GAS7: variants seen among roughly 807,000 people sequenced by gnomAD.
GAS7 encodes growth arrest specific 7.
A neutral mutation model predicts 71.1 loss-of-function variants in GAS7; 28 were observed. The ratio of observed to expected loss-of-function variants is 0.39; its 90% confidence interval spans 0.29 to 0.54. The LOEUF is 0.54. Ranked by LOEUF, GAS7 falls within the 20% of genes least tolerant of loss-of-function variation. The pLI is 0.62. For synonymous variants in GAS7, 258 were observed against 245.8 expected, an observed-to-expected ratio of 1.05 and a Z score of -0.46; for missense variants, 436 against 627.8, an observed-to-expected ratio of 0.69 and a Z score of 3.27.
chr17:10,148,909 CAAAAA>C (rs752140645), intron 1 of GAS7, among the ~76,000 whole-genome samples: 1 of 117,306 alleles, frequency 8.5e-6, no homozygotes, highest in Non-Finnish European at 1.8e-5. Context: ...GACTCCGCCT[CAAAAA>C]AAAAAAAAAA....
chr17:10,024,539 C>T (rs753479300), intron 1 of GAS7, among the ~76,000 whole-genome samples: 2 of 152,078 alleles, frequency 1.3e-5, no homozygotes, highest in South Asian at 2.1e-4. Flanking sequence ...TGGGGGAAAA[C>T]GAAGGAAGTT....
chr17:9,912,531 C>A lies in GAS7; in HGVS notation c.*4697G>T. 4.3e-6 allele frequency: 1 copy of A among 233,090 alleles called. No individual in the cohort carries two copies. The highest frequency in any genetic ancestry group is 8.5e-6 in the Non-Finnish European group (1 of 117,926). The allele number at this position is 233,090 out of a possible 1,614,324, so 14.4% of individuals were successfully genotyped here. A position where few individuals can be genotyped will look rare whatever the true frequency, so the allele number is the denominator to read the frequency against. ...GCCAAGGACCGTGTGACACTGAAGC[C>A]TGGGTCCCAGAAGGGAGCAGATCTG... On this transcript the variant is annotated 3_prime_UTR_variant, in exon 14 of 14. Transcript: ENST00000432992.
chr17:9,942,211 G>A (rs770723699), intron 7 of GAS7, among the ~76,000 whole-genome samples: 23 of 151,546 alleles, frequency 1.5e-4, no homozygotes, highest in Non-Finnish European at 2.5e-4. Flanking sequence ...CCAAGACTGC[G>A]CAACTACACT....
chr17:10,005,014 TCTCG>T (rs1204640500), intron 2 of GAS7, among the ~76,000 whole-genome samples: 4 of 139,568 alleles, frequency 2.9e-5, no homozygotes, highest in African/African-American at 1.3e-4. Flanking sequence ...CATCTCTCTC[TCTCG>T]CTCTCTCTCT....
chr17:10,005,027 C>A lies in GAS7; in HGVS notation c.304+14750G>T, dbSNP rs868818709. 8.8e-3 allele frequency among the ~76,000 whole-genome samples: 1,084 copies of A among 123,048 alleles called. 15 individuals are homozygous for A. The highest frequency in any genetic ancestry group is 0.051 in the South Asian group (203 of 3,942). 80.7% of individuals were successfully genotyped at this position (123,048 alleles called of 152,430 possible). ...TTCATCTCTCTCTCTCGCTCTCTCT[C>A]TCTATATATACATACATATATATAC... On this transcript the variant is annotated intron_variant, in intron 2 of 13. Coordinates refer to ENST00000432992, the MANE Select transcript of GAS7 (RefSeq NM_201433.2).
intron 1 of GAS7, among the ~76,000 whole-genome samples, chr17:10,031,596 C>T (rs778722007): frequency 2.0e-4 from 31 of 152,166 alleles, no homozygotes; most frequent in Non-Finnish European, 4.1e-4. Context: ...TTGCAGAACC[C>T]CTATTCCTGC....
chr17:10,019,522 C>T (rs577120931), intron 2 of GAS7, among the ~76,000 whole-genome samples: 2 of 152,216 alleles, frequency 1.3e-5, no homozygotes, highest in African/African-American at 2.4e-5. Flanking sequence ...CCAGGGTGGA[C>T]GTCAGGGTCC....
chr17:10,058,009 C>A (rs909093580), intron 1 of GAS7, among the ~76,000 whole-genome samples: 3 of 152,170 alleles, frequency 2.0e-5, no homozygotes, highest in Admixed American at 6.5e-5. Context: ...GGATTAAGGG[C>A]AGTGCAAGAT....
intron 9 of GAS7, among the ~76,000 whole-genome samples, chr17:9,931,083 T>C (rs1246260598): frequency 6.6e-6 from 1 of 152,216 alleles, no homozygotes; most frequent in Admixed American, 6.5e-5. Context: ...GTGTTTTCAA[T>C]GCCATTGGTC....
intron 1 of GAS7, among the ~76,000 whole-genome samples, chr17:10,021,875 A>AG (rs2072283658): frequency 6.6e-6 from 1 of 152,202 alleles, no homozygotes. Context: ...TGTTGAGAGA[A>AG]AGAGAAGTAT....
At chr17:10,070,341 C>CTTTTTTTTTTTTTTT (rs71365713) in intron 1 of GAS7, among the ~76,000 whole-genome samples, 3 of 106,132 alleles carry the variant, frequency 2.8e-5, no homozygotes, top group Admixed American at 1.2e-4. Context: ...TCTCTCTCTT[C>CTTTTTTTTTTTTTTT]TTTTTTTTTT....
rs1167661234 is a variant in GAS7, at chr17:9,911,856, G to A, written c.*5372C>T. The A allele has an allele frequency of 1.3e-5, 3 of 231,648 alleles. No homozygotes were observed. The highest frequency in any genetic ancestry group is 6.1e-5 in the East Asian group (1 of 16,376). The allele number at this position is 231,648 out of a possible 1,614,324, so 14.3% of individuals were successfully genotyped here. A position where few individuals can be genotyped will look rare whatever the true frequency, so the allele number is the denominator to read the frequency against. On this transcript the variant is annotated 3_prime_UTR_variant, in exon 14 of 14. Coordinates refer to ENST00000432992, the MANE Select transcript of GAS7 (RefSeq NM_201433.2). This position sits in a 1 kb window ranked among gnomAD's most constrained non-coding sequence, Gnocchi z 4.0. ...GGACTCACCTTTCACTGAGCAGGGG[G>A]CATGAACAAGACACAGCTTAGTGGA... is the stretch of plus-strand genomic sequence containing the variant.
chr17:10,070,798 A>G (rs1314898029), intron 1 of GAS7, among the ~76,000 whole-genome samples: 3 of 151,964 alleles, frequency 2.0e-5, no homozygotes, highest in Non-Finnish European at 4.4e-5. Context: ...AGGGAGAGGG[A>G]GGCAGAGGCA....
At chr17:10,007,625 C>CAAA (rs201254619) in intron 2 of GAS7, among the ~76,000 whole-genome samples, 2,107 of 46,480 alleles carry the variant, frequency 0.045, 147 homozygotes, top group African/African-American at 0.091. Flanking sequence ...GATTCTGTCT[C>CAAA]AAAAAAAAAA....
chr17:10,150,837 C>A (rs1257447914), intron 1 of GAS7, among the ~76,000 whole-genome samples: 4 of 152,146 alleles, frequency 2.6e-5, no homozygotes, highest in Non-Finnish European at 4.4e-5. Flanking sequence ...GCTCCACCCA[C>A]CTCGGCCTCC....
At chr17:10,067,839 C>A (rs1222171353) in intron 1 of GAS7, among the ~76,000 whole-genome samples, 1 of 152,138 alleles carries the variant, frequency 6.6e-6, no homozygotes, top group Non-Finnish European at 1.5e-5. Flanking sequence ...GAGGCTCAGA[C>A]CGGGAGAAAT....
intron 6 of GAS7, among the ~76,000 whole-genome samples, chr17:9,945,494 T>C (rs1033461477): frequency 2.0e-5 from 3 of 152,070 alleles, no homozygotes; most frequent in Admixed American, 1.3e-4. Context: ...AGCCCCTTTA[T>C]ACTGTTTCCT....
chr17:9,927,290 T>TACACACAC (rs371084335), intron 9 of GAS7, among the ~76,000 whole-genome samples: 10,541 of 116,728 alleles, frequency 0.09, 541 homozygotes, highest in Non-Finnish European at 0.098. Context: ...CTCTACTACA[T>TACACACAC]ACACACACAC....
chr17:10,109,545 G>A (rs1416575859), intron 1 of GAS7, among the ~76,000 whole-genome samples: 1 of 152,220 alleles, frequency 6.6e-6, no homozygotes, highest in Non-Finnish European at 1.5e-5. Context: ...AGACTTCTCA[G>A]AAAACTAAAA....
Sources: gnomAD v4.1 joint callset for allele counts (sites outside exome capture counted in the v4.1 genomes callset) on GRCh38, gnomAD v4.1.1 for gene constraint, Gnocchi (gnomAD v3.1) non-coding constraint, MANE v1.5 for transcripts, NCBI Gene and HGNC (gene_info 2026-07-23, HGNC 2026-07-21) for gene names.